Variants in CDH20 observed in about 807,000 individuals in gnomAD.
The protein encoded by CDH20 is cadherin 20.
CDH20 carries 29 observed loss-of-function variants against 74.2 expected under a neutral mutation model. The ratio of observed to expected loss-of-function variants is 0.39; its 90% CI spans 0.29 to 0.53. The LOEUF is 0.53. CDH20 is among the 20% of genes least tolerant of loss of function. CDH20 has a pLI of 0.69. For synonymous variants in CDH20, 469 were observed against 405.4 expected, an observed-to-expected ratio of 1.16 and a Z score of -1.88; for missense variants, 988 against 1,048.3, an observed-to-expected ratio of 0.94 and a Z score of 0.79.
At chr18:61,339,749 A>G (rs1909881901) in intron 1 of CDH20, among the ~76,000 whole-genome samples, 1 of 130,492 alleles carries the variant, frequency 7.7e-6, no homozygotes, top group South Asian at 2.5e-4. Context: ...GTGCAGTGGC[A>G]TGATCTTGGC....
chr18:61,370,049 G>A (rs563702121), intron 1 of CDH20, among the ~76,000 whole-genome samples: 69 of 152,184 alleles, frequency 4.5e-4, no homozygotes, highest in African/African-American at 1.6e-3. Flanking sequence ...CTGCACATGT[G>A]CCTCTCAACT....
intron 6 of CDH20, among the ~76,000 whole-genome samples, chr18:61,510,993 T>TTG (rs879294844): frequency 6.7e-6 from 1 of 148,594 alleles, no homozygotes; most frequent in South Asian, 2.1e-4. Flanking sequence ...TTTTTTTTTT[T>TTG]GTTTATTTGT....
At chr18:61,361,414 T>C (rs1333515247) in intron 1 of CDH20, among the ~76,000 whole-genome samples, 1 of 152,232 alleles carries the variant, frequency 6.6e-6, no homozygotes, top group Non-Finnish European at 1.5e-5. Context: ...TTTATAAATT[T>C]TATCATCTGG....
At chr18:61,369,593 T>C (rs1910965317) in intron 1 of CDH20, among the ~76,000 whole-genome samples, 1 of 152,142 alleles carries the variant, frequency 6.6e-6, no homozygotes, top group Non-Finnish European at 1.5e-5. Flanking sequence ...TAAATCATTC[T>C]GTGGTAAAAA....
intron 1 of CDH20, among the ~76,000 whole-genome samples, chr18:61,386,459 G>C (rs1340993081): frequency 6.6e-6 from 1 of 152,158 alleles, no homozygotes; most frequent in Non-Finnish European, 1.5e-5. Flanking sequence ...CCAGCCTCCA[G>C]AACTATGAGA....
At chr18:61,511,571 C>A (rs1441731125) in intron 6 of CDH20, among the ~76,000 whole-genome samples, 1 of 151,992 alleles carries the variant, frequency 6.6e-6, no homozygotes, top group Non-Finnish European at 1.5e-5. Flanking sequence ...TAAATGTTAT[C>A]TTATGTCTTA....
chr18:61,507,432 T>A lies in CDH20; in HGVS notation c.889T>A (p.Phe297Ile), dbSNP rs751214197. The A allele has an allele frequency of 1.2e-6, 2 of 1,614,020 alleles. No homozygotes were observed. Among genetic ancestry groups the A allele is most frequent in the Admixed American group, 3.3e-5 (2 of 59,990 alleles). Residue 297 changes from phenylalanine to isoleucine, a missense_variant, in exon 6 of 12, where the codon TTT (phenylalanine) becomes ATT (isoleucine). By Grantham distance (21) the Phe-to-Ile change is conservative (BLOSUM62 0). This residue lies in a region of CDH20 where 613 missense variants were observed against 755.2 expected (regional missense o/e 0.81). Coordinates refer to ENST00000262717, the MANE Select transcript of CDH20 (RefSeq NM_031891.4). ...AATTAGCTCCACTGTCGGGAGAGTG[T>A]TTGCCAAGGACTTGGATGAAGGCAT... ...APISSTVGRVFAKDLDEGINA... is the reference protein window; with the variant it reads ...APISSTVGRVIAKDLDEGINA...
intron 1 of CDH20, among the ~76,000 whole-genome samples, chr18:61,368,551 T>C (rs1910932409): frequency 6.6e-6 from 1 of 151,928 alleles, no homozygotes; most frequent in Non-Finnish European, 1.5e-5. Flanking sequence ...TTTTAAGAGA[T>C]TAAAAACAAA....
chr18:61,515,357 G>T (rs1333763670), intron 6 of CDH20, among the ~76,000 whole-genome samples: 4 of 151,992 alleles, frequency 2.6e-5, no homozygotes, highest in African/African-American at 9.7e-5. Context: ...CCCTGCTTCG[G>T]CTCGCGCACG....
intron 1 of CDH20, among the ~76,000 whole-genome samples, chr18:61,420,327 A>AC (rs996273654): frequency 1.3e-5 from 2 of 151,482 alleles, no homozygotes; most frequent in African/African-American, 4.9e-5. Flanking sequence ...TAGGAGCACA[A>AC]CAACATGTCA....
At chr18:61,361,851 A>G (rs1431519082) in intron 1 of CDH20, among the ~76,000 whole-genome samples, 5 of 152,226 alleles carry the variant, frequency 3.3e-5, no homozygotes, top group African/African-American at 1.2e-4. Context: ...ATAAGAACCA[A>G]TGATACAAGA....
At chr18:61,491,698 T>G (rs905557566) in intron 2 of CDH20, among the ~76,000 whole-genome samples, 3 of 152,172 alleles carry the variant, frequency 2.0e-5, no homozygotes, top group African/African-American at 7.2e-5. Context: ...GTCCACTCAC[T>G]TCTTAACCCA....
chr18:61,481,406 T>C (rs551117659), intron 1 of CDH20, among the ~76,000 whole-genome samples: 3 of 152,344 alleles, frequency 2.0e-5, no homozygotes, highest in Admixed American at 1.3e-4. Context: ...AGCAATATAT[T>C]GGATGTCACA....
intron 1 of CDH20, among the ~76,000 whole-genome samples, chr18:61,487,713 C>T (rs563632639): frequency 3.3e-5 from 5 of 152,276 alleles, no homozygotes; most frequent in South Asian, 2.1e-4. Flanking sequence ...TGAAAACAGG[C>T]AACCTGACCG....
At chr18:61,468,551 CTG>C (rs1262875029) in intron 1 of CDH20, among the ~76,000 whole-genome samples, 3 of 152,162 alleles carry the variant, frequency 2.0e-5, no homozygotes, top group African/African-American at 7.2e-5. Flanking sequence ...TTTTAATGCA[CTG>C]TGTTTCTCTA....
At chr18:61,380,375 A>G (rs1911393288) in intron 1 of CDH20, among the ~76,000 whole-genome samples, 1 of 152,244 alleles carries the variant, frequency 6.6e-6, no homozygotes, top group South Asian at 2.1e-4. Context: ...TAGTAAAATT[A>G]AGTAAGAAAC....
chr18:61,392,784 T>C (rs934453028), intron 1 of CDH20, among the ~76,000 whole-genome samples: 5 of 123,884 alleles, frequency 4.0e-5, no homozygotes, highest in African/African-American at 1.4e-4. Flanking sequence ...TTAATTACTA[T>C]GGTAAAAAAA....
chr18:61,368,515 CA>C (rs1910931704), intron 1 of CDH20, among the ~76,000 whole-genome samples: 1 of 151,574 alleles, frequency 6.6e-6, no homozygotes, highest in Non-Finnish European at 1.5e-5. Flanking sequence ...TTACAAATCA[CA>C]AAAACAGATG....
chr18:61,465,619 G>A (rs552654266), intron 1 of CDH20, among the ~76,000 whole-genome samples: 12 of 150,916 alleles, frequency 8.0e-5, no homozygotes, highest in African/African-American at 2.4e-4. Context: ...AAAGAACTAC[G>A]TGGGTTGGAA....
Sources: allele counts gnomAD v4.1 joint callset (sites outside exome capture counted in the v4.1 genomes callset), GRCh38; gene constraint gnomAD v4.1.1; regional missense constraint gnomAD v4.1.1; transcripts MANE v1.5; gene names NCBI Gene and HGNC (gene_info 2026-07-23, HGNC 2026-07-21).